Variants in PLCH2 observed in about 807,000 individuals in gnomAD.
PLCH2 encodes the protein 1-phosphatidylinositol 4,5-bisphosphate phosphodiesterase eta-2.
Under a neutral mutation model 134.7 loss-of-function variants are expected in PLCH2, and 98 were observed. The observed-to-expected ratio is 0.73, with a 90% CI of 0.62 to 0.86. The LOEUF (loss-of-function observed/expected upper bound fraction) is 0.86. Ranked by LOEUF, PLCH2 falls within the 40% of genes least tolerant of loss-of-function variation. The pLI, the probability that PLCH2 is intolerant of heterozygous loss-of-function variation, is 0.00. For synonymous variants in PLCH2, 974 were observed against 827.5 expected (o/e 1.18, Z -3.04); for missense variants, 1,994 against 1,986.6 (o/e 1.00, Z -0.07).
chr1:2,435,095 G>C (rs1007134103), intron 2 of PLCH2, among the ~76,000 whole-genome samples: 1 of 152,214 alleles, frequency 6.6e-6, no homozygotes, highest in African/African-American at 2.4e-5. Flanking sequence ...GCACTGACCT[G>C]GATGGTCCTG....
intron 2 of PLCH2, among the ~76,000 whole-genome samples, chr1:2,453,737 T>C (rs1640353006): frequency 6.6e-6 from 1 of 152,186 alleles, no homozygotes; most frequent in Admixed American, 6.5e-5. Flanking sequence ...TCCTTGTTCC[T>C]GTGTGCAGCC....
At position 2,504,736 on chromosome 1, in the gene PLCH2, C is replaced by T. The variant is rs373568358; in HGVS notation, c.3774C>T (p.Gly1258=). 2.6e-5 allele frequency: 42 copies of T among 1,612,416 alleles called. No individual in the cohort carries two copies. Among genetic ancestry groups the T allele is most frequent in the African/African-American group, 1.6e-4 (12 of 74,910 alleles). ...CPVAAKSKSL[G]DLTADDFAPS... ...TGGCTGCCAAGTCCAAGAGCCTGGG[C>T]GACCTCACTGCTGATGACTTTGCCC... Residue 1258 remains glycine (G), a synonymous_variant, in exon 22 of 22, where the codon GGC becomes GGT. Transcript: ENST00000378486.
chr1:2,425,513 G>A (rs1638747831), upstream of PLCH2, among the ~76,000 whole-genome samples: 1 of 152,096 alleles, frequency 6.6e-6, no homozygotes, highest in South Asian at 2.1e-4. Flanking sequence ...TGCTCTGCTG[G>A]TTTTTAGGTG....
intron 1 of PLCH2, among the ~76,000 whole-genome samples, chr1:2,470,003 A>T (rs926532267): frequency 2.0e-5 from 3 of 152,212 alleles, no homozygotes; most frequent in Non-Finnish European, 4.4e-5. Flanking sequence ...CCCAGAGAGC[A>T]GCACCTGGGT....
In PLCH2 at chr1:2,504,365, G is replaced by A. The variant is rs1326687282; in HGVS notation, c.3403G>A (p.Glu1135Lys). 2.3e-5 allele frequency: 37 copies of A among 1,611,148 alleles called. No homozygotes were observed. Among genetic ancestry groups the A allele is most frequent in the Non-Finnish European group, 3.0e-5 (35 of 1,179,586 alleles). The part of the protein sequence containing the change: ...TGSDPLWQRL[E>K]PCGHRDSVSS... ...CAGTGACCCGCTGTGGCAGCGGCTG[G>A]AGCCATGTGGCCACCGAGACAGCGT... The change falls in exon 22 of 22, where the codon GAG becomes AAG. Residue 1135 changes from glutamate (E) to lysine (K), a missense_variant. Glu to Lys is a moderately conservative substitution (Grantham distance 56). Transcript: ENST00000378486.
chr1:2,472,237 T>A (rs1433425651), upstream of PLCH2, among the ~76,000 whole-genome samples: 1 of 152,138 alleles, frequency 6.6e-6, no homozygotes, highest in Non-Finnish European at 1.5e-5. Flanking sequence ...GTTTAAATAA[T>A]CTCCGCCATA....
rs1432157943 is a variant in PLCH2, at chr1:2,498,501, C to T, written c.2225-22C>T. The stretch of plus-strand genomic sequence containing the variant: ...GCTTGCTGAGGGCTGGGCCACTGAC[C>T]ACCTCCCCGGCATCCCCTCAGGCGT... On this transcript the variant is annotated intron_variant, in intron 16 of 21. Coordinates refer to ENST00000378486, the MANE Select transcript of PLCH2 (RefSeq NM_014638.4). The surrounding 1 kb of genome is among the most constrained non-coding windows in gnomAD (Gnocchi z 5.4). 6.3e-7 allele frequency: 1 copy of T among 1,599,732 alleles called. No individual in the cohort carries two copies. Among genetic ancestry groups the T allele is most frequent in the Non-Finnish European group, 8.5e-7 (1 of 1,173,622 alleles).
Position 2,495,566 on chromosome 1 carries a change from C to T in PLCH2, c.1831C>T (p.Arg611Ter), listed in dbSNP as rs967113847. Residue 611 changes from arginine (R) to a stop codon, truncating the protein, a stop_gained, in exon 13 of 22, where the codon CGA becomes TGA. Coordinates refer to ENST00000378486, the MANE Select transcript of PLCH2 (RefSeq NM_014638.4). LOFTEE classifies it high-confidence loss of function. ...TCAGGACTCCCCGGGAGGCCAGAGCCGAGGGTAGGTGCCCTGCCCCACGGG... is the reference window on the plus strand; with the variant it reads ...TCAGGACTCCCCGGGAGGCCAGAGCTGAGGGTAGGTGCCCTGCCCCACGGG... ...EGQDSPGGQS[R>*]GATRQKKTMK... 8.4e-6 allele frequency: 13 copies of T among 1,546,614 alleles called. No individual in the cohort carries two copies. The highest frequency in any genetic ancestry group is 2.7e-5 in the African/African-American group (2 of 72,946).
chr1:2,437,314 G>C (rs1313124332), intron 2 of PLCH2, among the ~76,000 whole-genome samples: 2 of 152,130 alleles, frequency 1.3e-5, no homozygotes. Flanking sequence ...ATTCTCTAGG[G>C]TTGCTCCATG....
Position 2,445,231 on chromosome 1 carries a change from G to T in PLCH2, c.115+14602G>T, listed in dbSNP as rs999085322. On this transcript the variant is annotated intron_variant, in intron 2 of 3. Transcript: ENST00000609981. ...AGTGGGTGCCTGTGGCTGTGCTGAG[G>T]GTCCCCACAGGCCCCTTCCCTGAGG... 3.3e-5 allele frequency among the ~76,000 whole-genome samples: 5 copies of T among 152,120 alleles called. No individual in the cohort carries two copies. The East Asian group carries it at 9.7e-4, about 29-fold the overall frequency.
chr1:2,496,533 G>C, intron 13 of PLCH2, 74 bp from the exon 14 acceptor site: 1 of 1,246,184 alleles, frequency 8.0e-7, no homozygotes, highest in Non-Finnish European at 1.1e-6. Flanking sequence ...CCGAGCCCTG[G>C]AGCCCGTCTC....
intron 1 of PLCH2, among the ~76,000 whole-genome samples, chr1:2,477,163 T>C (rs1284171008): frequency 2.0e-5 from 3 of 152,066 alleles, no homozygotes; most frequent in African/African-American, 7.2e-5. Context: ...TGTCTTGTGG[T>C]GGCCTGTGGA....
At position 2,497,609 on chromosome 1, in the gene PLCH2, G is replaced by A; in HGVS notation, c.2224G>A (p.Gly742Ser). 1.3e-6 allele frequency: 2 copies of A among 1,549,866 alleles called. No individual in the cohort carries two copies. The highest frequency in any genetic ancestry group is 1.7e-6 in the Non-Finnish European group (2 of 1,144,422). Residue 742 changes from glycine (G) to serine (S), a missense_variant and splice_region_variant, in exon 16 of 22, where the codon GGC (glycine) becomes AGC (serine). Physicochemically the swap from Gly to Ser is moderately conservative, Grantham distance 56. Transcript: ENST00000378486. Reference sequence around the variant, plus strand: ...ACTCAAGCCTGGGTGCATGTGCCAGGGTGAGGCACTCGGACACTCAGGGCT... The same window carrying A: ...ACTCAAGCCTGGGTGCATGTGCCAGAGTGAGGCACTCGGACACTCAGGGCT... Reference protein sequence around the residue: ...YVLKPGCMCQGVFNPNSEDPL... With the variant: ...YVLKPGCMCQSVFNPNSEDPL...
At chr1:2,483,768 G>GT in intron 4 of PLCH2, among the ~76,000 whole-genome samples, 1 of 130,552 alleles carries the variant, frequency 7.7e-6, no homozygotes, top group African/African-American at 2.8e-5. Flanking sequence ...CCCGTTTGGG[G>GT]GGGCGCTGAC....
intron 4 of PLCH2, among the ~76,000 whole-genome samples, chr1:2,482,960 C>A (rs1642055839): frequency 6.6e-6 from 1 of 152,180 alleles, no homozygotes; most frequent in South Asian, 2.1e-4. Context: ...TTCCTCGACC[C>A]CACTCTGGGC....
At chr1:2,476,983 C>G (rs529763261) in intron 1 of PLCH2, among the ~76,000 whole-genome samples, 1 of 152,296 alleles carries the variant, frequency 6.6e-6, no homozygotes, top group East Asian at 1.9e-4. Flanking sequence ...GAGGGGGGAT[C>G]TCAGGTGGCT....
At chr1:2,427,835 G>C (rs538903600) in intron 1 of PLCH2, among the ~76,000 whole-genome samples, 8 of 152,294 alleles carry the variant, frequency 5.3e-5, no homozygotes, top group Non-Finnish European at 1.0e-4. Flanking sequence ...CTCCAGGGGT[G>C]GGAGCCGGCT....
chr1:2,505,153 C>A lies in PLCH2; in HGVS notation c.4191C>A (p.Ser1397=). 1 of 1,564,488 alleles carries A rather than the reference C, an allele frequency of 6.4e-7. No individual in the cohort carries two copies. The highest frequency in any genetic ancestry group is 8.6e-7 in the Non-Finnish European group (1 of 1,165,042). Residue 1397 remains serine, a synonymous_variant, in exon 22 of 22, where the codon TCC becomes TCA. Transcript: ENST00000378486. ...HEGSVDAPAP[S]KGALGPASAA... is the part of the protein sequence containing the mutation. Reference sequence around the variant, plus strand: ...GCAGTGTGGATGCACCAGCACCCTCCAAGGGAGCCCTCGGGCCAGCATCCG... The same window carrying A: ...GCAGTGTGGATGCACCAGCACCCTCAAAGGGAGCCCTCGGGCCAGCATCCG...
chr1:2,497,565 A>ACGGTGG lies in PLCH2; in HGVS notation c.2182_2187dup (p.Gly728_Gly729dup). The stretch of plus-strand genomic sequence containing the variant: ...CTGAACCGAGCCAAGTTCAGCGCCA[A>ACGGTGG]CGGTGGCTGCGGCTACGTACTCAAG... On this transcript the variant is annotated inframe_insertion, in exon 16 of 22. Coordinates refer to ENST00000378486, the MANE Select transcript of PLCH2 (RefSeq NM_014638.4). 6.4e-7 allele frequency: 1 copy of ACGGTGG among 1,564,810 alleles called. No individual in the cohort carries two copies. Among genetic ancestry groups the ACGGTGG allele is most frequent in the Non-Finnish European group, 8.7e-7 (1 of 1,155,226 alleles).
Sources: allele counts gnomAD v4.1 joint callset (sites outside exome capture counted in the v4.1 genomes callset), GRCh38; gene constraint gnomAD v4.1.1; non-coding constraint Gnocchi (gnomAD v3.1); transcripts MANE v1.5; gene names NCBI Gene and HGNC (gene_info 2026-07-23, HGNC 2026-07-21).